Variants in RUFY2 observed in about 807,000 individuals in gnomAD.
RUFY2 encodes RUN and FYVE domain-containing protein 2.
A neutral mutation model predicts 94.4 loss-of-function variants in RUFY2; 49 were observed. That is an observed-to-expected ratio of 0.52 (90% CI 0.41 to 0.66). RUFY2 has a LOEUF of 0.66. Among genes scored for constraint, RUFY2 ranks in the 30% least tolerant of loss-of-function variants. RUFY2 has a pLI of 0.00. For synonymous variants in RUFY2, 255 were observed against 235.7 expected, an observed-to-expected ratio of 1.08 and a Z score of -0.75; for missense variants, 541 against 692.8, an observed-to-expected ratio of 0.78 and a Z score of 2.46.
chr10:68,356,126 T>A (rs1202962723), intron 15 of RUFY2, among the ~76,000 whole-genome samples: 1 of 152,124 alleles, frequency 6.6e-6, no homozygotes, highest in Non-Finnish European at 1.5e-5. Context: ...GAGCTAGGAT[T>A]CAAACCCTTG....
At chr10:68,354,585 C>A (rs2046915344) in intron 16 of RUFY2, among the ~76,000 whole-genome samples, 1 of 152,200 alleles carries the variant, frequency 6.6e-6, no homozygotes, top group Admixed American at 6.6e-5. Context: ...GACACATTCA[C>A]AACCATACTG....
intron 12 of RUFY2, 158 bp from the exon 13 acceptor site, chr10:68,377,130 C>T (rs1006604964): frequency 6.7e-7 from 1 of 1,487,502 alleles, no homozygotes; most frequent in Non-Finnish European, 8.9e-7. Context: ...GAAAGAGCCA[C>T]ACAATGTCTA....
chr10:68,353,940 G>T (rs533641059), intron 16 of RUFY2, among the ~76,000 whole-genome samples: 1 of 152,174 alleles, frequency 6.6e-6, no homozygotes, highest in South Asian at 2.1e-4. Flanking sequence ...ACCATATGAT[G>T]ACGTTAATAT....
intron 16 of RUFY2, among the ~76,000 whole-genome samples, chr10:68,354,372 G>A (rs1379540489): frequency 6.6e-6 from 1 of 151,746 alleles, no homozygotes; most frequent in African/African-American, 2.4e-5. Context: ...TAGAAATAAG[G>A]TCTATTTTAC....
At chr10:68,401,309 G>C (rs188798599) in intron 3 of RUFY2, among the ~76,000 whole-genome samples, 1 of 152,030 alleles carries the variant, frequency 6.6e-6, no homozygotes, top group Admixed American at 6.6e-5. Context: ...TCTACTACAG[G>C]CAAACTAATT....
At chr10:68,390,681 C>T (rs1389680443) in intron 7 of RUFY2, among the ~76,000 whole-genome samples, 1 of 152,042 alleles carries the variant, frequency 6.6e-6, no homozygotes, top group Non-Finnish European at 1.5e-5. Context: ...AGGCTTATCT[C>T]AAACTCCTGG....
At chr10:68,407,019 C>T in intron 1 of RUFY2, 167 bp downstream of exon 1, 1 of 1,486,970 alleles carries the variant, frequency 6.7e-7, no homozygotes, top group Non-Finnish European at 8.9e-7. Flanking sequence ...GCCATGACGA[C>T]CCCGGGAGCC....
At position 68,353,092 on chromosome 10, in the gene RUFY2, G is replaced by A. The variant is rs1395951966; in HGVS notation, c.1599+2261C>T. Among the ~76,000 whole-genome samples the A allele has an allele frequency of 9.9e-5, 15 of 152,136 alleles. 1 individual carries two copies. Among genetic ancestry groups the A allele is most frequent in the Admixed American group, 9.8e-4 (15 of 15,252 alleles). On this transcript the variant is annotated intron_variant, in intron 16 of 17. Coordinates refer to ENST00000602465, the MANE Select transcript of RUFY2 (RefSeq NM_001330103.2). ...TCACACCTGTAAGCCCAGCACTTTGGGAGGCCGAGGCAGGTGCATCACCTG... is the reference window on the plus strand; with the variant it reads ...TCACACCTGTAAGCCCAGCACTTTGAGAGGCCGAGGCAGGTGCATCACCTG...
At position 68,376,342 on chromosome 10, in the gene RUFY2, G is replaced by A. The variant is rs58628955; in HGVS notation, c.1325+511C>T. On this transcript the variant is annotated intron_variant, in intron 13 of 17. Transcript: ENST00000602465. ...CTCAGGGGGCTGAGGCAGGAGAATC[G>A]CTTGAACCCAGGAGGCAGAGGTTGC... 4.1e-3 allele frequency among the ~76,000 whole-genome samples: 613 copies of A among 147,860 alleles called. 6 individuals carry two copies. The highest frequency in any genetic ancestry group is 0.014 in the African/African-American group (585 of 40,566).
chr10:68,347,807 T>C (rs1440796221), intron 16 of RUFY2, among the ~76,000 whole-genome samples: 3 of 152,176 alleles, frequency 2.0e-5, no homozygotes, highest in Non-Finnish European at 4.4e-5. Context: ...ATGGAGCAAC[T>C]GCAACCTATC....
chr10:68,386,540 G>T (rs2049511439), intron 7 of RUFY2, among the ~76,000 whole-genome samples: 1 of 152,028 alleles, frequency 6.6e-6, no homozygotes, highest in South Asian at 2.1e-4. Flanking sequence ...AGTAGAGACG[G>T]GGTTACACCA....
In RUFY2 at chr10:68,343,430, T is replaced by C. The variant is rs1487709455; in HGVS notation, c.*2338A>G. The C allele has an allele frequency of 1.3e-5, 2 of 152,634 alleles. No homozygotes were observed. Among genetic ancestry groups the C allele is most frequent in the African/African-American group, 4.8e-5 (2 of 41,464 alleles). 9.5% of individuals were successfully genotyped at this position (152,634 alleles called of 1,614,324 possible). ...GTCTTTTTTGAAAGTTGTATGTGTT[T>C]TATTTTCCCAGGATTACTCTCTTAA... On this transcript the variant is annotated 3_prime_UTR_variant, in exon 18 of 18. Transcript: ENST00000602465.
chr10:68,396,688 T>C (rs1329287882), intron 4 of RUFY2, 92 bp downstream of exon 4: 6 of 757,706 alleles, frequency 7.9e-6, no homozygotes, highest in African/African-American at 1.8e-5. Flanking sequence ...TTATATGTTA[T>C]ATATCCTTTC....
chr10:68,341,446 C>A, downstream of RUFY2: 2 of 1,024,666 alleles, frequency 2.0e-6, no homozygotes, highest in Non-Finnish European at 1.5e-6. Flanking sequence ...TTTCTGTGGG[C>A]TTTATATATC....
At chr10:68,374,259 G>A (rs2048473482) in intron 13 of RUFY2, among the ~76,000 whole-genome samples, 1 of 151,044 alleles carries the variant, frequency 6.6e-6, no homozygotes, top group African/African-American at 2.4e-5. Context: ...AGCATAGCAA[G>A]ACCCTGTCTC....
intron 13 of RUFY2, 77 bp downstream of exon 13, chr10:68,376,776 G>A: frequency 7.4e-7 from 1 of 1,346,854 alleles, no homozygotes; most frequent in Non-Finnish European, 1.0e-6. Flanking sequence ...AAAAATATTG[G>A]TATTCTATCA....
intron 12 of RUFY2, chr10:68,378,078 G>A (rs2048785374): frequency 1.0e-6 from 1 of 985,408 alleles, no homozygotes; most frequent in Admixed American, 6.2e-5. Context: ...CACAGAAGAG[G>A]GCAAGGGAGA....
rs777595331 is a variant in RUFY2, at chr10:68,393,130, A to G, written c.650+8T>C. On this transcript the variant is annotated splice_region_variant and intron_variant, in intron 7 of 17. Coordinates refer to ENST00000602465, the MANE Select transcript of RUFY2 (RefSeq NM_001330103.2). ...TTCATAAATGTGCTAAGTATCCATA[A>G]TACTTACTTCAGTTGTCTATTTAAT... 6.9e-7 allele frequency: 1 copy of G among 1,449,112 alleles called. No homozygotes were observed. The allele number at this position is 1,449,112 out of a possible 1,614,324, so 89.8% of individuals were successfully genotyped here.
chr10:68,397,729 G>T, intron 3 of RUFY2, among the ~76,000 whole-genome samples: 1 of 151,570 alleles, frequency 6.6e-6, no homozygotes, highest in African/African-American at 2.4e-5. Context: ...AGTGAACAGT[G>T]ATTGCATCAC....
Sources: gnomAD v4.1 joint callset for allele counts (sites outside exome capture counted in the v4.1 genomes callset) on GRCh38, gnomAD v4.1.1 for gene constraint, MANE v1.5 for transcripts, NCBI Gene and HGNC (gene_info 2026-07-23, HGNC 2026-07-21) for gene names.